RBFOX1: variants seen among roughly 807,000 people sequenced by gnomAD.
RBFOX1 encodes RNA binding protein fox-1 homolog 1.
A neutral mutation model predicts 57.7 loss-of-function variants in RBFOX1; 8 were observed. The observed-to-expected ratio is 0.14, with a 90% CI of 0.08 to 0.25. The LOEUF (loss-of-function observed/expected upper bound fraction) is 0.25. Among genes scored for constraint, RBFOX1 ranks in the 10% least tolerant of loss-of-function variants. The pLI is 1.00. For missense variants in RBFOX1, 611 were observed against 548.5 expected (o/e 1.11, Z -1.14); for synonymous variants, 326 against 222.4 (o/e 1.47, Z -4.15).
At chr16:7,442,047 T>C (rs2149913175) in intron 4 of RBFOX1, among the ~76,000 whole-genome samples, 1 of 152,330 alleles carries the variant, frequency 6.6e-6, no homozygotes, top group South Asian at 2.1e-4. Flanking sequence ...AATGGGATCC[T>C]GGCACATAGC....
chr16:6,633,233 A>G (rs1474254717), intron 2 of RBFOX1, among the ~76,000 whole-genome samples: 1 of 152,112 alleles, frequency 6.6e-6, no homozygotes, highest in Non-Finnish European at 1.5e-5. Context: ...ACCAAGAAAC[A>G]GTCCTCTCCA....
At chr16:7,288,799 C>G (rs1157277036) in intron 4 of RBFOX1, among the ~76,000 whole-genome samples, 1 of 152,220 alleles carries the variant, frequency 6.6e-6, no homozygotes, top group Non-Finnish European at 1.5e-5. Context: ...TGAGAGGGCA[C>G]CACTGCACTC....
chr16:6,203,428 C>A (rs941995118), intron 1 of RBFOX1, among the ~76,000 whole-genome samples: 3 of 152,194 alleles, frequency 2.0e-5, no homozygotes, highest in African/African-American at 7.2e-5. Flanking sequence ...GGATTTACTT[C>A]CTTTTTAAGA....
At chr16:6,175,029 G>A (rs1281754918) in intron 1 of RBFOX1, among the ~76,000 whole-genome samples, 1 of 152,120 alleles carries the variant, frequency 6.6e-6, no homozygotes, top group Admixed American at 6.6e-5. Flanking sequence ...ACCATAGTGT[G>A]GTAATAGAAA....
chr16:7,416,628 G>C (rs1003244265), intron 4 of RBFOX1, among the ~76,000 whole-genome samples: 4 of 152,152 alleles, frequency 2.6e-5, no homozygotes, highest in Non-Finnish European at 5.9e-5. Context: ...AAGCACCCAC[G>C]ATTCCCAGTC....
intron 4 of RBFOX1, among the ~76,000 whole-genome samples, chr16:5,884,020 G>A (rs1457273160): frequency 6.6e-6 from 1 of 152,162 alleles, no homozygotes; most frequent in African/African-American, 2.4e-5. Context: ...GTTCTCTTGT[G>A]ACTTAGTGTA....
intron 3 of RBFOX1, among the ~76,000 whole-genome samples, chr16:5,669,684 G>A (rs2049959148): frequency 2.6e-5 from 4 of 152,114 alleles, no homozygotes; most frequent in Admixed American, 2.0e-4. Flanking sequence ...ACCCAAAGTG[G>A]TGAGATTACA....
chr16:7,121,975 C>G (rs1322395304), intron 4 of RBFOX1, among the ~76,000 whole-genome samples: 1 of 151,844 alleles, frequency 6.6e-6, no homozygotes, highest in Non-Finnish European at 1.5e-5. Context: ...ACACATTTGC[C>G]AAATCATATG....
intron 3 of RBFOX1, among the ~76,000 whole-genome samples, chr16:6,809,515 G>T (rs2087866101): frequency 6.6e-6 from 1 of 152,096 alleles, no homozygotes; most frequent in Non-Finnish European, 1.5e-5. Context: ...ATTCACCCCA[G>T]GAGGCAGTGT....
At chr16:5,998,136 C>G (rs1342216878) in intron 4 of RBFOX1, among the ~76,000 whole-genome samples, 1 of 152,110 alleles carries the variant, frequency 6.6e-6, no homozygotes, top group Non-Finnish European at 1.5e-5. Context: ...CTGTATAAAC[C>G]TACCAAGTCC....
intron 4 of RBFOX1, among the ~76,000 whole-genome samples, chr16:7,104,423 T>C (rs1190889080): frequency 2.0e-5 from 3 of 152,096 alleles, no homozygotes; most frequent in Non-Finnish European, 4.4e-5. Context: ...AAACAGACTA[T>C]TGTCATCCTG....
intron 4 of RBFOX1, among the ~76,000 whole-genome samples, chr16:7,126,982 C>G (rs1003634273): frequency 3.4e-5 from 5 of 145,002 alleles, no homozygotes; most frequent in African/African-American, 1.3e-4. Flanking sequence ...ACACTGCAGC[C>G]TGGGCGTGAC....
At chr16:5,703,404 C>T (rs11861124) in intron 3 of RBFOX1, among the ~76,000 whole-genome samples, 32,668 of 152,110 alleles carry the variant, frequency 0.21, 4,619 homozygotes, top group East Asian at 0.65. Flanking sequence ...GTTTGGTTCA[C>T]TGGAGGGTCG....
At chr16:5,577,113 T>A (rs1226444866) in intron 2 of RBFOX1, among the ~76,000 whole-genome samples, 1 of 152,244 alleles carries the variant, frequency 6.6e-6, no homozygotes, top group Non-Finnish European at 1.5e-5. Context: ...GGTCTCTCTC[T>A]CTTAATGGAC....
intron 4 of RBFOX1, among the ~76,000 whole-genome samples, chr16:5,873,889 G>C (rs1462606569): frequency 6.6e-6 from 1 of 152,006 alleles, no homozygotes; most frequent in Non-Finnish European, 1.5e-5. Context: ...GTTGTCATCA[G>C]GTAAAGAAAA....
At chr16:6,512,288 A>G (rs1463200678) in intron 2 of RBFOX1, among the ~76,000 whole-genome samples, 1 of 149,270 alleles carries the variant, frequency 6.7e-6, no homozygotes, top group African/African-American at 2.5e-5. Flanking sequence ...TGTATCAAAA[A>G]AAAAAAAAAA....
intron 2 of RBFOX1, among the ~76,000 whole-genome samples, chr16:6,503,679 C>T (rs1324436594): frequency 6.6e-6 from 1 of 152,170 alleles, no homozygotes; most frequent in Non-Finnish European, 1.5e-5. Context: ...CAATCTCTAA[C>T]TGAGGAGCAT....
At chr16:6,705,286 T>A (rs926162788) in intron 3 of RBFOX1, 1 of 151,830 alleles carries the variant, frequency 6.6e-6, no homozygotes, top group African/African-American at 2.4e-5. Flanking sequence ...CAAAGGTTTC[T>A]CACTGTTTGA....
At chr16:6,189,618 T>G (rs2097129505) in intron 1 of RBFOX1, among the ~76,000 whole-genome samples, 1 of 152,222 alleles carries the variant, frequency 6.6e-6, no homozygotes, top group Non-Finnish European at 1.5e-5. Context: ...CACCTGATGC[T>G]ATTGGAAGTA....
Sources: allele counts gnomAD v4.1 joint callset (sites outside exome capture counted in the v4.1 genomes callset), GRCh38; gene constraint gnomAD v4.1.1; transcripts MANE v1.5; gene names NCBI Gene and HGNC (gene_info 2026-07-23, HGNC 2026-07-21).